Variants in ANKFN1 observed in about 807,000 individuals in gnomAD.
ANKFN1 encodes the protein ankyrin repeat and fibronectin type III domain containing 1.
Under a neutral mutation model 108.7 loss-of-function variants are expected in ANKFN1, and 74 were observed. The ratio of observed to expected loss-of-function variants is 0.68; its 90% confidence interval spans 0.56 to 0.83. The LOEUF (loss-of-function observed/expected upper bound fraction) is 0.83. Among genes scored for constraint, ANKFN1 ranks in the 40% least tolerant of loss-of-function variants. The pLI is 0.00. For missense variants in ANKFN1, 1,505 were observed against 1,382.3 expected, an observed-to-expected ratio of 1.09 and a Z score of -1.41; for synonymous variants, 547 against 516.2, an observed-to-expected ratio of 1.06 and a Z score of -0.81.
chr17:56,091,142 A>G (rs1905408693), intron 4 of ANKFN1, among the ~76,000 whole-genome samples: 1 of 151,146 alleles, frequency 6.6e-6, no homozygotes, highest in Non-Finnish European at 1.5e-5. Context: ...TAAGTAGAAT[A>G]TTCTGAATTC....
chr17:56,153,835 C>G (rs1270663000), intron 1 of ANKFN1, among the ~76,000 whole-genome samples: 1 of 152,108 alleles, frequency 6.6e-6, no homozygotes, highest in Non-Finnish European at 1.5e-5. Flanking sequence ...TTATCCTTAT[C>G]ATTTTATTTA....
In ANKFN1 at chr17:56,514,123, T is replaced by C. The variant is rs1013683972; in HGVS notation, c.*2854T>C. ...GTCTTTCACTCTTTTTTTAATCCAA[T>C]ATGAGAGCCTCTGAAGGAAACTGTC... On this transcript the variant is annotated 3_prime_UTR_variant, in exon 21 of 21. Transcript: ENST00000682825. Among the ~76,000 whole-genome samples, 8 of 152,206 alleles carry C rather than the reference T, an allele frequency of 5.3e-5. No homozygotes were observed. The highest frequency in any genetic ancestry group is 1.9e-4 in the African/African-American group (8 of 41,458).
chr17:56,432,165 A>G (rs148094139), intron 8 of ANKFN1, among the ~76,000 whole-genome samples: 448 of 152,330 alleles, frequency 2.9e-3, no homozygotes, highest in African/African-American at 0.01. Context: ...CATCCATTAC[A>G]GTTTTTTAAA....
At chr17:56,069,226 G>T (rs187411048) in intron 4 of ANKFN1, among the ~76,000 whole-genome samples, 143 of 152,224 alleles carry the variant, frequency 9.4e-4, no homozygotes, top group Non-Finnish European at 7.9e-4. Flanking sequence ...ACTTTTTCCT[G>T]GCCTGTTTAA....
At chr17:56,274,932 A>T (rs184904794) in intron 3 of ANKFN1, among the ~76,000 whole-genome samples, 9 of 152,332 alleles carry the variant, frequency 5.9e-5, no homozygotes, top group Admixed American at 5.9e-4. Flanking sequence ...TTATCACTTA[A>T]GCTAAGCTTC....
intron 6 of ANKFN1, among the ~76,000 whole-genome samples, chr17:56,355,793 T>C (rs1468538908): frequency 1.3e-5 from 2 of 151,990 alleles, no homozygotes; most frequent in Non-Finnish European, 2.9e-5. Flanking sequence ...TTTATTGAGA[T>C]ACAATTCACA....
chr17:56,114,069 C>A (rs949571375), intron 4 of ANKFN1, among the ~76,000 whole-genome samples: 1 of 152,156 alleles, frequency 6.6e-6, no homozygotes, highest in Admixed American at 6.5e-5. Flanking sequence ...GCTACCCAAG[C>A]AAGAGAACCA....
rs1230859488 is a variant in ANKFN1, at chr17:56,255,651, T to A, written c.53+27694T>A. ...TGTTTACAAAGCAAGAAGGTCAGTG[T>A]GGCAGTGTAACCCAATCATGCTTTG... On this transcript the variant is annotated intron_variant, in intron 3 of 20. Coordinates refer to ENST00000682825, the MANE Select transcript of ANKFN1 (RefSeq NM_001370326.1). Among the ~76,000 whole-genome samples, 3 of 152,216 alleles carry A rather than the reference T, an allele frequency of 2.0e-5. No homozygotes were observed. In the East Asian group the frequency reaches 5.8e-4, roughly 29 times the overall value.
chr17:56,227,103 G>T (rs1364401838), intron 2 of ANKFN1, among the ~76,000 whole-genome samples: 1 of 152,088 alleles, frequency 6.6e-6, no homozygotes, highest in East Asian at 1.9e-4. Flanking sequence ...GAGATGATCT[G>T]GAATCACTTG....
At position 56,138,731 on chromosome 17, in the gene ANKFN1, G is replaced by A. The variant is rs147517910; in HGVS notation, c.289-89186G>A. 2.9e-3 allele frequency among the ~76,000 whole-genome samples: 448 copies of A among 151,942 alleles called. 2 individuals are homozygous for A. Among genetic ancestry groups the A allele is most frequent in the African/African-American group, 0.01 (422 of 41,448 alleles). On this transcript the variant is annotated intron_variant, in intron 4 of 12. Coordinates refer to the ANKFN1 transcript ENST00000635860. ...TCATCATGTTGGCCAGGCTGGTCTCGAACTCCTGACCTCAAGTGATCTGCC... is the reference window on the plus strand; with the variant it reads ...TCATCATGTTGGCCAGGCTGGTCTCAAACTCCTGACCTCAAGTGATCTGCC...
At chr17:56,416,733 G>T (rs2332649) in intron 8 of ANKFN1, among the ~76,000 whole-genome samples, 101,955 of 152,112 alleles carry the variant, frequency 0.67, 34,748 homozygotes, top group East Asian at 0.96. Flanking sequence ...GAACATCAGT[G>T]TATCAAAAAG....
chr17:56,388,722 C>A (rs1175045326), intron 8 of ANKFN1, among the ~76,000 whole-genome samples: 1 of 152,036 alleles, frequency 6.6e-6, no homozygotes, highest in Non-Finnish European at 1.5e-5. Flanking sequence ...TTCAAATGTT[C>A]CTTTCAGAGT....
rs143269446 is a variant in ANKFN1, at chr17:56,402,555, T to A, written c.910+27841T>A. 3.0e-4 allele frequency among the ~76,000 whole-genome samples: 45 copies of A among 152,288 alleles called. No homozygotes were observed. In the East Asian group the frequency reaches 7.5e-3, roughly 25 times the overall value. On this transcript the variant is annotated intron_variant, in intron 8 of 20. Transcript: ENST00000682825. Reference sequence around the variant, plus strand: ...TAATATCTCCTGTTTTGTTTCTTAGTGGGGTTATTTGGATTTTCTCTCTTC... The same window carrying A: ...TAATATCTCCTGTTTTGTTTCTTAGAGGGGTTATTTGGATTTTCTCTCTTC...
chr17:56,295,615 GGT>G (rs150224568), intron 3 of ANKFN1, among the ~76,000 whole-genome samples: 2 of 151,608 alleles, frequency 1.3e-5, no homozygotes, highest in African/African-American at 4.8e-5. Flanking sequence ...GTGTGTGGGC[GGT>G]GTGTGTGTGT....
In ANKFN1 at chr17:56,136,101, A is replaced by G. The variant is rs149963242; in HGVS notation, c.288+89776A>G. Among the ~76,000 whole-genome samples, 5 of 152,316 alleles carry G rather than the reference A, an allele frequency of 3.3e-5. No homozygotes were observed. In the East Asian group the frequency reaches 9.6e-4, roughly 29 times the overall value. On this transcript the variant is annotated intron_variant, in intron 4 of 12. Coordinates refer to the ANKFN1 transcript ENST00000635860. ...CTGGAGGAAATGATCTGTCAGGAAG[A>G]GTTTGACCTGTGCCATCCAGAGGCA...
At chr17:56,185,766 C>CGAGAT (rs1912137848) in intron 1 of ANKFN1, among the ~76,000 whole-genome samples, 1 of 152,096 alleles carries the variant, frequency 6.6e-6, no homozygotes, top group Admixed American at 6.5e-5. Flanking sequence ...TACCAATCTA[C>CGAGAT]GAGATTGGCC....
chr17:56,095,934 C>A (rs1280709668), intron 4 of ANKFN1, among the ~76,000 whole-genome samples: 2 of 152,166 alleles, frequency 1.3e-5, no homozygotes, highest in African/African-American at 4.8e-5. Context: ...AGAACGTGGG[C>A]TCTTTGGAAT....
chr17:56,430,975 A>AGTCGGAG (rs1243517586), intron 8 of ANKFN1, among the ~76,000 whole-genome samples: 1 of 152,222 alleles, frequency 6.6e-6, no homozygotes, highest in African/African-American at 2.4e-5. Context: ...ACGAAATAGA[A>AGTCGGAG]GTCGGAGGTC....
chr17:56,467,820 A>G (rs1189040366), intron 15 of ANKFN1, among the ~76,000 whole-genome samples: 2 of 45,738 alleles, frequency 4.4e-5, no homozygotes, highest in African/African-American at 2.7e-4. Context: ...GAAAGAAAGA[A>G]AGAAAGAAAG....
Sources: allele counts gnomAD v4.1 joint callset (sites outside exome capture counted in the v4.1 genomes callset), GRCh38; gene constraint gnomAD v4.1.1; transcripts MANE v1.5; gene names NCBI Gene and HGNC (gene_info 2026-07-23, HGNC 2026-07-21).